The following PLEKHG5 variants were observed in gnomAD, a reference collection of about 807,000 sequenced individuals.
PLEKHG5 encodes the protein pleckstrin homology domain-containing family G member 5.
PLEKHG5 carries 52 observed loss-of-function variants against 103.8 expected under a neutral mutation model. The observed-to-expected ratio is 0.50, with a 90% CI of 0.40 to 0.63. The LOEUF (loss-of-function observed/expected upper bound fraction) is 0.63, where lower values mean the gene tolerates loss of function less well. PLEKHG5 is among the 30% of genes least tolerant of loss of function. The pLI, the probability that PLEKHG5 is intolerant of heterozygous loss-of-function variation, is 0.00. For synonymous variants in PLEKHG5, 592 were observed against 575.5 expected (o/e 1.03, Z -0.41); for missense variants, 1,205 against 1,347.6 (o/e 0.89, Z 1.66).
upstream of PLEKHG5, among the ~76,000 whole-genome samples, chr1:6,495,418 G>A (rs955663472): frequency 2.6e-5 from 4 of 152,336 alleles, no homozygotes; most frequent in East Asian, 7.7e-4. Flanking sequence ...AGGTGCGGGA[G>A]GGGAGCGGGG....
intron 1 of PLEKHG5, among the ~76,000 whole-genome samples, chr1:6,517,772 G>T (rs952264123): frequency 3.3e-5 from 5 of 152,174 alleles, no homozygotes; most frequent in Non-Finnish European, 4.4e-5. Flanking sequence ...AAACAGAAGG[G>T]TCCATGGCCC....
rs1329922361 is a variant in PLEKHG5, at chr1:6,472,494, G to A, written c.1080+33C>T. The A allele has an allele frequency of 4.2e-6, 6 of 1,445,292 alleles. No individual in the cohort carries two copies. The African/African-American group carries it at 8.4e-5, about 20-fold the overall frequency. The allele number at this position is 1,445,292 out of a possible 1,614,324, so 89.5% of individuals were successfully genotyped here. ...GGGCTGTCAGAAAGAGGGGGGCAGG[G>A]TGGCCACGGGGACCAGCGCAGCCCC... On this transcript the variant is annotated intron_variant, in intron 10 of 20. Coordinates refer to ENST00000377728, the MANE Select transcript of PLEKHG5 (RefSeq NM_020631.6).
upstream of PLEKHG5, chr1:6,496,747 C>G (rs955832216): frequency 1.8e-6 from 1 of 558,004 alleles, no homozygotes; most frequent in African/African-American, 2.0e-5. Flanking sequence ...TTTGCAGAGC[C>G]CTTTTCTCCT....
rs760139855 is a variant in PLEKHG5, at chr1:6,475,950, T to TCTC, written c.127_129dup (p.Glu43dup). On this transcript the variant is annotated inframe_insertion, in exon 3 of 21. Coordinates refer to ENST00000377728, the MANE Select transcript of PLEKHG5 (RefSeq NM_020631.6). ...ACCTACCCTTTGCCATCCACAGAGC[T>TCTC]CTCCTCCTCCTCCTCCTCCAAGTCC... is the stretch of plus-strand genomic sequence containing the variant. The TCTC allele has an allele frequency of 1.9e-5, 30 of 1,612,152 alleles. No homozygotes were observed. Among genetic ancestry groups the TCTC allele is most frequent in the Admixed American group, 3.3e-5 (2 of 59,980 alleles).
upstream of PLEKHG5, chr1:6,497,367 GCGCCGGGGA>G (rs914053959): frequency 1.7e-5 from 19 of 1,101,294 alleles, no homozygotes; most frequent in Non-Finnish European, 1.9e-5. The surrounding 1 kb of genome is among the most constrained non-coding windows in gnomAD (Gnocchi z 6.1). Flanking sequence ...GCGGGCGGGG[GCGCCGGGGA>G]CGCCGGGGAC....
chr1:6,503,610 A>G (rs1401294483), intron 1 of PLEKHG5, among the ~76,000 whole-genome samples: 1 of 152,114 alleles, frequency 6.6e-6, no homozygotes, highest in East Asian at 1.9e-4. Flanking sequence ...TGGTTTCACC[A>G]TGCTGGCCAG....
At chr1:6,513,394 G>A (rs1011004362) in intron 1 of PLEKHG5, among the ~76,000 whole-genome samples, 3 of 152,340 alleles carry the variant, frequency 2.0e-5, no homozygotes, top group South Asian at 2.1e-4. Context: ...CTGGATGCCC[G>A]CCTGGGGTCA....
At chr1:6,506,779 G>A (rs112335969) in intron 1 of PLEKHG5, among the ~76,000 whole-genome samples, 12 of 152,262 alleles carry the variant, frequency 7.9e-5, no homozygotes, top group Non-Finnish European at 1.8e-4. Context: ...GGAGCTGTGG[G>A]CCAGGCCTCA....
At chr1:6,481,562 A>T (rs939659408) in intron 1 of PLEKHG5, among the ~76,000 whole-genome samples, 34 of 146,760 alleles carry the variant, frequency 2.3e-4, no homozygotes, top group Non-Finnish European at 4.6e-4. Flanking sequence ...TAAATAAATA[A>T]ATATATAAGT....
intron 2 of PLEKHG5, 118 bp downstream of exon 2, chr1:6,477,411 C>T (rs1644789384): frequency 1.1e-5 from 12 of 1,053,500 alleles, no homozygotes; most frequent in Admixed American, 5.3e-5. Flanking sequence ...GTAACATACT[C>T]GGGTTTCATT....
intron 4 of PLEKHG5, 101 bp from the exon 5 acceptor site, chr1:6,475,239 CCCCACCCTCCTT>C (rs1269465663): frequency 7.8e-5 from 55 of 702,932 alleles, no homozygotes; most frequent in East Asian, 1.1e-4. Context: ...CAACCCTCCT[CCCCACCCTCCTT>C]CCCACCCTCC....
rs1308834107 is a variant in PLEKHG5, at chr1:6,467,327, C to T, written c.*236G>A. On this transcript the variant is annotated 3_prime_UTR_variant, in exon 21 of 21. Transcript: ENST00000377728. ...AAGACTCGAGCTGAGCTGGTAACTT[C>T]GGGGAGTAGGTGACGAGGGGCTGCC... 3.2e-5 allele frequency: 20 copies of T among 633,342 alleles called. No individual in the cohort carries two copies. The highest frequency in any genetic ancestry group is 8.2e-5 in the East Asian group (3 of 36,384). 39.2% of individuals were successfully genotyped at this position (633,342 alleles called of 1,614,324 possible).
intron 1 of PLEKHG5, among the ~76,000 whole-genome samples, chr1:6,479,590 T>G (rs1443523383): frequency 4.0e-5 from 6 of 151,674 alleles, no homozygotes; most frequent in Non-Finnish European, 5.9e-5. Context: ...CCAGCCTTGT[T>G]TTTTGTGGTC....
At chr1:6,516,526 G>A (rs183041462) in intron 1 of PLEKHG5, among the ~76,000 whole-genome samples, 33 of 151,450 alleles carry the variant, frequency 2.2e-4, no homozygotes, top group African/African-American at 7.3e-5. Context: ...ACGTGGTGGC[G>A]GGCATCTGTA....
intron 1 of PLEKHG5, among the ~76,000 whole-genome samples, chr1:6,518,953 C>A (rs1638700877): frequency 6.6e-6 from 1 of 152,222 alleles, no homozygotes; most frequent in African/African-American, 2.4e-5. Flanking sequence ...ACGCCATTCT[C>A]CTGCCTTAGC....
intron 1 of PLEKHG5, among the ~76,000 whole-genome samples, chr1:6,482,190 C>T (rs888297589): frequency 3.3e-5 from 5 of 152,190 alleles, no homozygotes; most frequent in Admixed American, 1.3e-4. Context: ...TCGCCCTCCA[C>T]GCTCCTTTCC....
upstream of PLEKHG5, among the ~76,000 whole-genome samples, chr1:6,497,679 G>A (rs958377075): frequency 6.6e-6 from 1 of 152,038 alleles, no homozygotes; most frequent in Non-Finnish European, 1.5e-5. The surrounding 1 kb of genome is among the most constrained non-coding windows in gnomAD (Gnocchi z 6.1). Flanking sequence ...CTGTCCGCAG[G>A]AATGCAGGCC....
chr1:6,471,625 G>C lies in PLEKHG5; in HGVS notation c.1144C>G (p.Arg382Gly), dbSNP rs866387940. ...ATCTCCGGGATGTTGCTGAACAGGC[G>C]CTCCGCCTCCACCTGGGCGCGGCGG... ...SGLLCEVEAE[R>G]LFSNIPEIAQ... is the part of the protein sequence containing the mutation. The change falls in exon 12 of 21, where the codon CGC becomes GGC. Residue 382 changes from arginine to glycine, a missense_variant. By Grantham distance (125) the Arg-to-Gly change is moderately radical. Transcript: ENST00000377728. 5.0e-6 allele frequency: 8 copies of C among 1,589,018 alleles called. No homozygotes were observed. Among genetic ancestry groups the C allele is most frequent in the Non-Finnish European group, 6.8e-6 (8 of 1,168,506 alleles).
In PLEKHG5 at chr1:6,469,573, T is replaced by C; in HGVS notation, c.1904A>G (p.Lys635Arg). The C allele has an allele frequency of 6.2e-7, 1 of 1,613,868 alleles. No homozygotes were observed. The highest frequency in any genetic ancestry group is 8.5e-7 in the Non-Finnish European group (1 of 1,180,042). Residue 635 changes from lysine (K) to arginine (R), a missense_variant, in exon 17 of 21, where the codon AAG becomes AGG. Physicochemically the swap from Lys to Arg is conservative, Grantham distance 26. Transcript: ENST00000377728. The part of the protein sequence containing the change: ...RVIRPPLLVD[K>R]IVCRELRDPG... ...GTCCCGTAGCTCCCGGCACACAATC[T>C]TGTCCACGAGCAGGGGTGGCCTGAT...
Sources: allele counts gnomAD v4.1 joint callset (sites outside exome capture counted in the v4.1 genomes callset), GRCh38; gene constraint gnomAD v4.1.1; non-coding constraint Gnocchi (gnomAD v3.1); transcripts MANE v1.5; gene names NCBI Gene and HGNC (gene_info 2026-07-23, HGNC 2026-07-21).